Variants in KIAA1217 observed in about 807,000 individuals in gnomAD.
KIAA1217 encodes the protein KIAA1217.
A neutral mutation model predicts 163.9 loss-of-function variants in KIAA1217; 88 were observed. That is an observed-to-expected ratio of 0.54 (90% CI 0.45 to 0.64). The LOEUF (loss-of-function observed/expected upper bound fraction) is 0.64, where lower values mean the gene tolerates loss of function less well. Ranked by LOEUF, KIAA1217 falls within the 30% of genes least tolerant of loss-of-function variation. KIAA1217 has a pLI of 0.00. For missense variants in KIAA1217, 2,372 were observed against 2,475.0 expected (o/e 0.96, Z 0.88); for synonymous variants, 903 against 923.1 (o/e 0.98, Z 0.39).
rs138615205 is a variant in KIAA1217 at position 24,047,176 on chromosome 10, T to C, written c.-171+39802T>C. Among the ~76,000 whole-genome samples, 635 of 152,312 alleles carry C rather than the reference T, an allele frequency of 4.2e-3. 4 individuals are homozygous for C. The highest frequency in any genetic ancestry group is 3.5e-3 in the Admixed American group (54 of 15,298). On this transcript the variant is annotated intron_variant, in intron 2 of 18. Coordinates refer to the KIAA1217 transcript ENST00000376462. The stretch of plus-strand genomic sequence containing the variant: ...TGTCTATAGGGCCTTGCTGTCCTAA[T>C]ATGTATACTTATCCCTGCAGACATG...
intron 1 of KIAA1217, among the ~76,000 whole-genome samples, chr10:23,774,720 A>G (rs1275329510): frequency 6.6e-6 from 1 of 152,108 alleles, no homozygotes; most frequent in East Asian, 1.9e-4. Flanking sequence ...TGGAAGAAAA[A>G]GGTGCAGTCT....
At chr10:24,170,129 A>G (rs1036033981) in intron 2 of KIAA1217, among the ~76,000 whole-genome samples, 21 of 152,222 alleles carry the variant, frequency 1.4e-4, no homozygotes, top group South Asian at 4.1e-4. Flanking sequence ...AACTCATATT[A>G]AATTAAGAGT....
rs142383483 is a variant in KIAA1217 at position 24,543,295 on chromosome 10, C to G, written c.4025C>G (p.Thr1342Arg). Residue 1342 changes from threonine (T) to arginine (R), a missense_variant, in exon 19 of 21, where the codon ACG (threonine) becomes AGG (arginine). This residue lies in a region of KIAA1217 where 251 missense variants were observed against 327.3 expected (regional missense o/e 0.77). Transcript: ENST00000376454. ...AAAACAGAAGATCAAGAGGTTATCA[C>G]GACAGATTTTGGCCAAGTTGTTCTA... ...DFKTEDQEVI[T>R]TDFGQVVLRP... The G allele has an allele frequency of 4.6e-4, 740 of 1,614,076 alleles. 2 individuals carry two copies. The African/African-American group carries it at 8.7e-3, about 19-fold the overall frequency.
chr10:23,921,619 G>A (rs1057486245), intron 1 of KIAA1217, among the ~76,000 whole-genome samples: 13 of 152,134 alleles, frequency 8.5e-5, no homozygotes, highest in African/African-American at 2.9e-4. Flanking sequence ...GTGATACTTT[G>A]AGCTGGGGGC....
chr10:24,521,444 C>G (rs2071262913), intron 11 of KIAA1217, among the ~76,000 whole-genome samples: 2 of 151,420 alleles, frequency 1.3e-5, no homozygotes, highest in African/African-American at 4.9e-5. Flanking sequence ...GTGTTTGAGG[C>G]TCCAGTGAGC....
intron 2 of KIAA1217, among the ~76,000 whole-genome samples, chr10:24,125,625 GT>G (rs1053647429): frequency 1.3e-5 from 2 of 151,952 alleles, no homozygotes; most frequent in African/African-American, 4.8e-5. Context: ...ATGCACTCCA[GT>G]TTTTCTTTCT....
intron 2 of KIAA1217, among the ~76,000 whole-genome samples, chr10:24,087,861 T>G (rs1302834886): frequency 6.6e-6 from 1 of 152,086 alleles, no homozygotes; most frequent in Non-Finnish European, 1.5e-5. Context: ...CCTGCAGCGG[T>G]GTTAGAAAGA....
chr10:24,073,035 G>A (rs2061241635), intron 2 of KIAA1217, among the ~76,000 whole-genome samples: 1 of 150,966 alleles, frequency 6.6e-6, no homozygotes, highest in Non-Finnish European at 1.5e-5. Flanking sequence ...CTCCAGCCTG[G>A]GAAACAGAAT....
At chr10:24,496,387 T>C (rs2066783952) in intron 8 of KIAA1217, among the ~76,000 whole-genome samples, 1 of 152,270 alleles carries the variant, frequency 6.6e-6, no homozygotes, top group African/African-American at 2.4e-5. Context: ...ACTTAATTCA[T>C]TCATTTTTTA....
In KIAA1217 at chr10:24,234,656, CAAAAAAA is replaced by C. The variant is rs71397938; in HGVS notation, c.354+14764_354+14770del. 6.0e-3 allele frequency among the ~76,000 whole-genome samples: 439 copies of C among 73,394 alleles called. 2 individuals are homozygous for C. Among genetic ancestry groups the C allele is most frequent in the African/African-American group, 0.021 (409 of 19,500 alleles). The allele number at this position is 73,394 out of a possible 152,430, so 48.1% of individuals were successfully genotyped here. A position where few individuals can be genotyped will look rare whatever the true frequency, so the allele number is the denominator to read the frequency against. On this transcript the variant is annotated intron_variant, in intron 2 of 20. Transcript: ENST00000376454. ...CCTGGGTGACAGAGCAAAACTGTCT[CAAAAAAA>C]AAAAAAAAAAAAAAAAGAAACTACA... is the stretch of plus-strand genomic sequence containing the variant.
At chr10:24,392,270 C>A (rs1410135119) in intron 3 of KIAA1217, among the ~76,000 whole-genome samples, 1 of 152,046 alleles carries the variant, frequency 6.6e-6, no homozygotes, top group Non-Finnish European at 1.5e-5. Context: ...AAGGCATTAT[C>A]TTCCAACAAC....
At chr10:24,369,177 C>CTGTG (rs1330525924) in intron 2 of KIAA1217, among the ~76,000 whole-genome samples, 154 of 78,896 alleles carry the variant, frequency 2.0e-3, no homozygotes, top group African/African-American at 0.011. Flanking sequence ...AGAACTTTCA[C>CTGTG]TATGTGTGTG....
chr10:24,106,365 T>C (rs1423815132), intron 2 of KIAA1217, among the ~76,000 whole-genome samples: 1 of 151,884 alleles, frequency 6.6e-6, no homozygotes, highest in Non-Finnish European at 1.5e-5. Flanking sequence ...GGTAAGAACA[T>C]CTTCTTCCTG....
At chr10:24,381,157 T>A in intron 3 of KIAA1217, 90 bp downstream of exon 3, 1 of 968,474 alleles carries the variant, frequency 1.0e-6, no homozygotes, top group Non-Finnish European at 1.4e-6. Context: ...CATTCAACAT[T>A]AATTTGATCT....
At chr10:24,466,838 A>T (rs6482395) in intron 5 of KIAA1217, 968,275 of 969,894 alleles carry the variant, frequency 1, 483,399 homozygotes, top group Non-Finnish European at 1. Context: ...TTAAGATTCC[A>T]TTTCAGTTTT....
At chr10:23,983,653 G>A (rs1267759695) in intron 1 of KIAA1217, among the ~76,000 whole-genome samples, 1 of 152,092 alleles carries the variant, frequency 6.6e-6, no homozygotes, top group African/African-American at 2.4e-5. Flanking sequence ...CCAACATTGG[G>A]GATTACAGTT....
At chr10:24,339,682 G>T (rs2046817925) in intron 2 of KIAA1217, among the ~76,000 whole-genome samples, 1 of 152,228 alleles carries the variant, frequency 6.6e-6, no homozygotes, top group Non-Finnish European at 1.5e-5. Context: ...AATAAGGGCT[G>T]CAGAGGTTGG....
intron 2 of KIAA1217, among the ~76,000 whole-genome samples, chr10:24,102,300 C>CA (rs1254864204): frequency 1.3e-5 from 2 of 151,940 alleles, no homozygotes; most frequent in African/African-American, 2.4e-5. Flanking sequence ...ACATTAGCAC[C>CA]AAAAATTGAA....
At chr10:24,073,195 GC>G (rs1182201183) in intron 2 of KIAA1217, among the ~76,000 whole-genome samples, 3 of 152,114 alleles carry the variant, frequency 2.0e-5, no homozygotes, top group African/African-American at 7.2e-5. Context: ...GAGCGCTGGG[GC>G]AGAAGAAGAG....
Sources: gnomAD v4.1 joint callset for allele counts (sites outside exome capture counted in the v4.1 genomes callset) on GRCh38, gnomAD v4.1.1 for gene constraint, gnomAD v4.1.1 regional missense constraint, MANE v1.5 for transcripts, NCBI Gene and HGNC (gene_info 2026-07-23, HGNC 2026-07-21) for gene names.